The following LSAMP variants were observed in gnomAD, a reference collection of about 807,000 sequenced individuals.
LSAMP encodes limbic system-associated membrane protein.
In LSAMP, 7 loss-of-function variants were observed where a neutral mutation model predicts 38.6. The observed-to-expected ratio is 0.18, with a 90% CI of 0.10 to 0.34. The LOEUF (loss-of-function observed/expected upper bound fraction) is 0.34. Among genes scored for constraint, LSAMP ranks in the 10% least tolerant of loss-of-function variants. LSAMP has a pLI of 1.00. For missense variants in LSAMP, 313 were observed against 420.0 expected (o/e 0.75, Z 2.23); for synonymous variants, 154 against 166.8 (o/e 0.92, Z 0.59).
chr3:116,381,485 A>C (rs2048558034), intron 1 of LSAMP, among the ~76,000 whole-genome samples: 1 of 152,144 alleles, frequency 6.6e-6, no homozygotes. Context: ...TACGTCCCAC[A>C]GTAAAATATT....
At chr3:116,192,385 T>C (rs1302420886) in intron 1 of LSAMP, among the ~76,000 whole-genome samples, 3 of 152,240 alleles carry the variant, frequency 2.0e-5, no homozygotes, top group Admixed American at 2.0e-4. Flanking sequence ...TTCTTATTCT[T>C]TAATCACTTG....
chr3:116,354,499 T>A (rs1223919198), intron 1 of LSAMP, among the ~76,000 whole-genome samples: 1 of 152,212 alleles, frequency 6.6e-6, no homozygotes. Flanking sequence ...ATAGTCCCAG[T>A]GGCTTTCCCT....
intron 3 of LSAMP, among the ~76,000 whole-genome samples, chr3:115,938,692 A>T (rs1937794336): frequency 6.6e-6 from 1 of 152,186 alleles, no homozygotes; most frequent in Non-Finnish European, 1.5e-5. Flanking sequence ...CACACAAATT[A>T]AACAAAATCT....
At chr3:115,822,528 T>C (rs1350796026) in intron 6 of LSAMP, among the ~76,000 whole-genome samples, 2 of 152,018 alleles carry the variant, frequency 1.3e-5, no homozygotes, top group Non-Finnish European at 2.9e-5. Flanking sequence ...GCTTAGCTAA[T>C]TTTGTATTTT....
At chr3:116,164,899 A>G (rs1710012407) in intron 1 of LSAMP, among the ~76,000 whole-genome samples, 1 of 151,366 alleles carries the variant, frequency 6.6e-6, no homozygotes, top group African/African-American at 2.4e-5. Context: ...GAGGCTTCCT[A>G]TAGGAAGAGA....
chr3:116,206,410 C>G (rs952525670), intron 1 of LSAMP, among the ~76,000 whole-genome samples: 4 of 150,214 alleles, frequency 2.7e-5, no homozygotes, highest in South Asian at 2.1e-4. Context: ...TCCTTCAGTT[C>G]TGCTCTGATT....
chr3:116,370,873 G>T (rs542232220), intron 1 of LSAMP, among the ~76,000 whole-genome samples: 1 of 152,062 alleles, frequency 6.6e-6, no homozygotes, highest in Non-Finnish European at 1.5e-5. Flanking sequence ...TAAAATTACC[G>T]AAATCTGAAA....
chr3:116,278,604 TTAC>T (rs1182570689), intron 1 of LSAMP, among the ~76,000 whole-genome samples: 3 of 152,154 alleles, frequency 2.0e-5, no homozygotes, highest in Admixed American at 6.5e-5. Flanking sequence ...TAACTGAAAG[TTAC>T]TTCCATTGTG....
intron 1 of LSAMP, among the ~76,000 whole-genome samples, chr3:116,209,886 G>A (rs960728972): frequency 2.0e-5 from 3 of 152,064 alleles, no homozygotes; most frequent in African/African-American, 7.2e-5. Context: ...GAGTAGCTGG[G>A]ACTACAGGCA....
intron 3 of LSAMP, among the ~76,000 whole-genome samples, chr3:115,905,535 C>T (rs1936987125): frequency 6.6e-6 from 1 of 152,024 alleles, no homozygotes; most frequent in Admixed American, 6.6e-5. Flanking sequence ...ATAGATACCC[C>T]AGAGTCCTCC....
chr3:115,994,756 C>T (rs1055016735), intron 3 of LSAMP, among the ~76,000 whole-genome samples: 2 of 152,074 alleles, frequency 1.3e-5, no homozygotes, highest in Non-Finnish European at 2.9e-5. Flanking sequence ...CAGGTGCCTT[C>T]ACTTTTCTTT....
At chr3:116,331,805 T>C (rs2047856957) in intron 1 of LSAMP, among the ~76,000 whole-genome samples, 1 of 152,110 alleles carries the variant, frequency 6.6e-6, no homozygotes, top group Non-Finnish European at 1.5e-5. Context: ...ACTTCACTCT[T>C]TGTTTTGTTT....
chr3:116,409,892 T>C (rs1368293073), intron 1 of LSAMP, among the ~76,000 whole-genome samples: 4 of 152,076 alleles, frequency 2.6e-5, no homozygotes, highest in Admixed American at 1.3e-4. Flanking sequence ...AAGAGAATTA[T>C]TGGCACGTTT....
chr3:116,417,457 T>C (rs1043765359), intron 1 of LSAMP, among the ~76,000 whole-genome samples: 2 of 152,202 alleles, frequency 1.3e-5, no homozygotes, highest in South Asian at 2.1e-4. Context: ...GATATTGAGT[T>C]TGGCTCTTGT....
intron 2 of LSAMP, among the ~76,000 whole-genome samples, chr3:116,058,313 C>A (rs1941528406): frequency 6.6e-6 from 1 of 151,982 alleles, no homozygotes; most frequent in East Asian, 1.9e-4. Context: ...TCATGTAACA[C>A]CACAAGAAGT....
At chr3:115,832,951 T>C (rs997739602) in intron 6 of LSAMP, among the ~76,000 whole-genome samples, 2 of 152,172 alleles carry the variant, frequency 1.3e-5, no homozygotes, top group Non-Finnish European at 2.9e-5. Context: ...GTGTCTGGCT[T>C]CACTTTGTTG....
At chr3:116,106,537 G>A (rs1428738768) in intron 1 of LSAMP, among the ~76,000 whole-genome samples, 1 of 152,154 alleles carries the variant, frequency 6.6e-6, no homozygotes, top group African/African-American at 2.4e-5. Context: ...TCCTTTTTAA[G>A]TTGGTGGCTG....
rs148729673 is a variant in LSAMP at position 116,349,084 on chromosome 3, A to G, written c.155+95793T>C. Among the ~76,000 whole-genome samples, 609 of 152,204 alleles carry G rather than the reference A, an allele frequency of 4.0e-3. 2 individuals carry two copies. The highest frequency in any genetic ancestry group is 6.7e-3 in the Non-Finnish European group (456 of 67,974). On this transcript the variant is annotated intron_variant, in intron 1 of 6. Transcript: ENST00000490035. ...TCCACTGAATGTGGATAATATCTAT[A>G]TCTAATGAATAGGACTATTGGGAAA...
intron 1 of LSAMP, among the ~76,000 whole-genome samples, chr3:116,186,636 A>C (rs1377601750): frequency 2.6e-5 from 4 of 152,162 alleles, no homozygotes; most frequent in Non-Finnish European, 5.9e-5. Flanking sequence ...CCAAGCTTCA[A>C]GGACTCACAA....
Sources: gnomAD v4.1 joint callset for allele counts (sites outside exome capture counted in the v4.1 genomes callset) on GRCh38, gnomAD v4.1.1 for gene constraint, MANE v1.5 for transcripts, NCBI Gene and HGNC (gene_info 2026-07-23, HGNC 2026-07-21) for gene names.